Variants in TNS2 observed in about 807,000 individuals in gnomAD.
The protein encoded by TNS2 is tensin 2, also known as tensin-2.
TNS2 carries 77 observed loss-of-function variants against 155.7 expected under a neutral mutation model. That is an observed-to-expected ratio of 0.49 (90% CI 0.41 to 0.60). TNS2 has a LOEUF of 0.60. TNS2 is among the 20% of genes least tolerant of loss of function. TNS2 has a pLI of 0.00. For synonymous variants in TNS2, 726 were observed against 763.9 expected, an observed-to-expected ratio of 0.95 and a Z score of 0.82; for missense variants, 1,703 against 1,868.8, an observed-to-expected ratio of 0.91 and a Z score of 1.64.
upstream of TNS2, among the ~76,000 whole-genome samples, chr12:53,048,351 G>A (rs914471163): frequency 6.6e-6 from 1 of 152,222 alleles, no homozygotes; most frequent in African/African-American, 2.4e-5. Context: ...GGGACTTTCA[G>A]CCCCTATGGA....
At position 53,063,483 on chromosome 12, in the gene TNS2, C is replaced by G. The variant is rs1944449053; in HGVS notation, c.4061+66C>G. 1 of 1,611,372 alleles carries G rather than the reference C, an allele frequency of 6.2e-7. No homozygotes were observed. The highest frequency in any genetic ancestry group is 8.5e-7 in the Non-Finnish European group (1 of 1,179,602). On this transcript the variant is annotated intron_variant, in intron 27 of 28. Coordinates refer to ENST00000314250, the MANE Select transcript of TNS2 (RefSeq NM_170754.4). This position sits in a 1 kb window ranked among gnomAD's most constrained non-coding sequence, Gnocchi z 5.6. ...TCCCACCAGGTCCCAGCTCCCAGCC[C>G]CAGCCCCAGCCCCGGCCCCGGCCCC...
At chr12:53,049,142 C>T (rs771243693), upstream of TNS2, 38 of 1,552,600 alleles carry the variant, frequency 2.4e-5, no homozygotes, top group Non-Finnish European at 3.0e-5. Context: ...GGCCGGAGGC[C>T]CATGGATGGG....
rs1378878336 is a variant in TNS2 at position 53,064,185 on chromosome 12, G to A, written c.*303G>A. 7 of 358,916 alleles carry A rather than the reference G, an allele frequency of 2.0e-5. No homozygotes were observed. Among genetic ancestry groups the A allele is most frequent in the African/African-American group, 4.1e-5 (2 of 48,472 alleles). The allele number at this position is 358,916 out of a possible 1,614,324, so 22.2% of individuals were successfully genotyped here. A position where few individuals can be genotyped will look rare whatever the true frequency, so the allele number is the denominator to read the frequency against. On this transcript the variant is annotated 3_prime_UTR_variant, in exon 29 of 29. Coordinates refer to ENST00000314250, the MANE Select transcript of TNS2 (RefSeq NM_170754.4). ...CAGGCAGCCCCACCTGCAGGAGAAC[G>A]TCAGCCCTCCAGGGGATCAGCCCCT...
At position 53,057,578 on chromosome 12, in the gene TNS2, A is replaced by G. The variant is rs1235527702; in HGVS notation, c.857A>G (p.Tyr286Cys). ...ACGCCCTCCACCAGATATATCAGCTACTTCAGTGGGCTGCTATCTGGCTCC... is the reference window on the plus strand; with the variant it reads ...ACGCCCTCCACCAGATATATCAGCTGCTTCAGTGGGCTGCTATCTGGCTCC... ...LQPSQRRYIS[Y>C]FSGLLSGSIR... Residue 286 changes from tyrosine to cysteine, a missense_variant, in exon 12 of 29, where the codon TAC becomes TGC. By Grantham distance (194) the Tyr-to-Cys change is radical. Coordinates refer to ENST00000314250, the MANE Select transcript of TNS2 (RefSeq NM_170754.4). 12 of 1,611,600 alleles carry G rather than the reference A, an allele frequency of 7.4e-6. No homozygotes were observed. The highest frequency in any genetic ancestry group is 1.7e-5 in the Admixed American group (1 of 59,880).
At position 53,062,694 on chromosome 12, in the gene TNS2, G is replaced by A; in HGVS notation, c.3820G>A (p.Ala1274Thr). 6.2e-6 allele frequency: 10 copies of A among 1,613,868 alleles called. No homozygotes were observed. Among genetic ancestry groups the A allele is most frequent in the African/African-American group, 1.3e-5 (1 of 75,020 alleles). ...AGCGGCAGACCTCCTGCGTCAGGGTGCTGGTAGAGACTTCCCCTCCACTCC... is the reference window on the plus strand; with the variant it reads ...AGCGGCAGACCTCCTGCGTCAGGGTACTGGTAGAGACTTCCCCTCCACTCC... ...STAADLLRQG[A>T]ACSVLYLTSV... is the part of the protein sequence containing the mutation. The change falls in exon 25 of 29, where the codon GCT becomes ACT. Residue 1274 changes from alanine (A) to threonine (T), a missense_variant. By Grantham distance (58) the Ala-to-Thr change is moderately conservative. Coordinates refer to ENST00000314250, the MANE Select transcript of TNS2 (RefSeq NM_170754.4).
Sources: gnomAD v4.1 joint callset for allele counts (sites outside exome capture counted in the v4.1 genomes callset) on GRCh38, gnomAD v4.1.1 for gene constraint, Gnocchi (gnomAD v3.1) non-coding constraint, MANE v1.5 for transcripts, NCBI Gene and HGNC (gene_info 2026-07-23, HGNC 2026-07-21) for gene names.